The following DKK2 variants were observed in gnomAD, a reference collection of about 807,000 sequenced individuals.
The protein encoded by DKK2 is dickkopf Wnt signaling pathway inhibitor 2, also known as dickkopf-related protein 2.
Under a neutral mutation model 28.1 loss-of-function variants are expected in DKK2, and 11 were observed. The ratio of observed to expected loss-of-function variants is 0.39; its 90% CI spans 0.25 to 0.65. The LOEUF (loss-of-function observed/expected upper bound fraction) is 0.65. Among genes scored for constraint, DKK2 ranks in the 30% least tolerant of loss-of-function variants. The pLI is 0.47. For missense variants in DKK2, 326 were observed against 335.5 expected, an observed-to-expected ratio of 0.97 and a Z score of 0.22; for synonymous variants, 135 against 126.5, an observed-to-expected ratio of 1.07 and a Z score of -0.45.
intron 1 of DKK2, among the ~76,000 whole-genome samples, chr4:106,979,357 G>A (rs991913085): frequency 1.3e-5 from 2 of 151,738 alleles, no homozygotes; most frequent in African/African-American, 4.8e-5. Context: ...GGATTTGAAG[G>A]CAAGCTCATC....
At position 107,011,569 on chromosome 4, in the gene DKK2, C is replaced by T. The variant is rs1723517799; in HGVS notation, c.222+23801G>A. On this transcript the variant is annotated intron_variant, in intron 1 of 3. Coordinates refer to ENST00000285311, the MANE Select transcript of DKK2 (RefSeq NM_014421.3). The stretch of plus-strand genomic sequence containing the variant: ...CAAAAGCAAAAGTGTTTTACACATA[C>T]TCTGCATTCATCATACAAAATAACT... Among the ~76,000 whole-genome samples, 3 of 151,558 alleles carry T rather than the reference C, an allele frequency of 2.0e-5. No individual in the cohort carries two copies. The South Asian group carries it at 6.2e-4, about 31-fold the overall frequency.
rs533951351 is a variant in DKK2 at position 106,968,249 on chromosome 4, T to C, written c.223-42300A>G. Among the ~76,000 whole-genome samples the C allele has an allele frequency of 2.6e-5, 4 of 152,188 alleles. No homozygotes were observed. The South Asian group carries it at 6.2e-4, about 24-fold the overall frequency. Reference sequence around the variant, plus strand: ...CAGAGAGTGAGACACAGCAGAGGCATAGGATTTAGAGACAAGTCAAATCAA... The same window carrying C: ...CAGAGAGTGAGACACAGCAGAGGCACAGGATTTAGAGACAAGTCAAATCAA... On this transcript the variant is annotated intron_variant, in intron 1 of 3. Coordinates refer to ENST00000285311, the MANE Select transcript of DKK2 (RefSeq NM_014421.3).
chr4:107,011,339 A>T (rs1723514306), intron 1 of DKK2, among the ~76,000 whole-genome samples: 1 of 151,510 alleles, frequency 6.6e-6, no homozygotes, highest in African/African-American at 2.4e-5. Context: ...GGACCTAGAA[A>T]GCTCAAAGCT....
chr4:107,000,378 T>C (rs1453558441), intron 1 of DKK2, among the ~76,000 whole-genome samples: 1 of 152,148 alleles, frequency 6.6e-6, no homozygotes, highest in Non-Finnish European at 1.5e-5. Context: ...ACAAAATGAT[T>C]ATGGGTTTTT....
chr4:106,996,487 A>G (rs1578372221), intron 1 of DKK2, among the ~76,000 whole-genome samples: 2 of 152,248 alleles, frequency 1.3e-5, no homozygotes, highest in Admixed American at 1.3e-4. Context: ...ACGAAATCAC[A>G]TGGGTTTTGA....
chr4:106,957,629 C>G (rs1259330937), intron 1 of DKK2, among the ~76,000 whole-genome samples: 7 of 150,688 alleles, frequency 4.6e-5, no homozygotes, highest in African/African-American at 1.7e-4. Context: ...TGGAAATCAT[C>G]ATTCTCAGTA....
At chr4:106,925,627 G>A (rs1353824108) in intron 2 of DKK2, among the ~76,000 whole-genome samples, 172 bp downstream of exon 2, 3 of 152,130 alleles carry the variant, frequency 2.0e-5, no homozygotes, top group Admixed American at 2.0e-4. Context: ...CCAGACTCTA[G>A]GAAAACTAAG....
chr4:106,990,263 C>T (rs569309888), intron 1 of DKK2, among the ~76,000 whole-genome samples: 27 of 152,234 alleles, frequency 1.8e-4, no homozygotes, highest in Non-Finnish European at 3.5e-4. Flanking sequence ...GGTCAATAGC[C>T]ACATGTAGCC....
At chr4:106,962,502 T>C (rs1247429327) in intron 1 of DKK2, among the ~76,000 whole-genome samples, 1 of 55,468 alleles carries the variant, frequency 1.8e-5, no homozygotes, top group Non-Finnish European at 3.6e-5. Context: ...TGTGTGTGTG[T>C]GTGTGTGTGT....
intron 1 of DKK2, among the ~76,000 whole-genome samples, chr4:106,929,885 T>G (rs978566606): frequency 2.0e-5 from 3 of 152,184 alleles, no homozygotes; most frequent in African/African-American, 7.2e-5. Context: ...ATTAGAGACC[T>G]TGAGTTCTTC....
At chr4:106,942,568 T>G (rs1724716128) in intron 1 of DKK2, among the ~76,000 whole-genome samples, 2 of 152,118 alleles carry the variant, frequency 1.3e-5, no homozygotes, top group South Asian at 4.2e-4. Flanking sequence ...AAAAGTGAGC[T>G]GGGGAGGGAG....
intron 1 of DKK2, among the ~76,000 whole-genome samples, chr4:107,023,980 G>A (rs1420394707): frequency 6.6e-6 from 1 of 152,046 alleles, no homozygotes; most frequent in African/African-American, 2.4e-5. Flanking sequence ...ATATAATAAT[G>A]TGTTTTCAAC....
chr4:107,000,862 T>C (rs1380502945), intron 1 of DKK2, among the ~76,000 whole-genome samples: 2 of 152,144 alleles, frequency 1.3e-5, no homozygotes, highest in Non-Finnish European at 2.9e-5. Flanking sequence ...TTTAGGTCCC[T>C]ACCCTCAGAA....
chr4:106,967,200 T>G (rs1259127460), intron 1 of DKK2, among the ~76,000 whole-genome samples: 1 of 152,096 alleles, frequency 6.6e-6, no homozygotes, highest in Non-Finnish European at 1.5e-5. Flanking sequence ...CAACATTTGC[T>G]TTTAGGGAGC....
chr4:106,946,776 C>T (rs1578352716), intron 1 of DKK2, among the ~76,000 whole-genome samples: 1 of 151,916 alleles, frequency 6.6e-6, no homozygotes, highest in South Asian at 2.1e-4. Context: ...TCTGAGCTTC[C>T]ACAAGCTGGA....
In DKK2 at chr4:106,997,489, A is replaced by T. The variant is rs577975580; in HGVS notation, c.222+37881T>A. 5.9e-5 allele frequency among the ~76,000 whole-genome samples: 9 copies of T among 152,194 alleles called. No homozygotes were observed. The South Asian group carries it at 1.9e-3, about 32-fold the overall frequency. On this transcript the variant is annotated intron_variant, in intron 1 of 3. Transcript: ENST00000285311. ...GAATAGATTCAACTCCTCTCAAAAT[A>T]TAGGAGACCACCAAGAGCATCAACA... is the stretch of plus-strand genomic sequence containing the variant.
chr4:106,934,843 T>C (rs10032689), intron 1 of DKK2, among the ~76,000 whole-genome samples: 1 of 152,248 alleles, frequency 6.6e-6, no homozygotes, highest in African/African-American at 2.4e-5. Context: ...ACTTCTAATT[T>C]CCATTTTAAA....
At chr4:106,963,936 A>G (rs1034115174) in intron 1 of DKK2, among the ~76,000 whole-genome samples, 1 of 151,952 alleles carries the variant, frequency 6.6e-6, no homozygotes, top group Admixed American at 6.6e-5. Context: ...TGTTGAAGAG[A>G]CTCTCCTTTC....
At chr4:106,954,935 C>T (rs753842695) in intron 1 of DKK2, among the ~76,000 whole-genome samples, 1 of 152,182 alleles carries the variant, frequency 6.6e-6, no homozygotes, top group Non-Finnish European at 1.5e-5. Flanking sequence ...GGAATGGAAA[C>T]ATTTCTGAAT....
Sources: allele counts gnomAD v4.1 joint callset (sites outside exome capture counted in the v4.1 genomes callset), GRCh38; gene constraint gnomAD v4.1.1; transcripts MANE v1.5; gene names NCBI Gene and HGNC (gene_info 2026-07-23, HGNC 2026-07-21).